RUSF1: variants seen among roughly 807,000 people sequenced by gnomAD.
RUSF1 encodes RUS family member 1.
RUSF1 carries 58 observed loss-of-function variants against 63.0 expected under a neutral mutation model. That is an observed-to-expected ratio of 0.92 (90% CI 0.75 to 1.15). The LOEUF (loss-of-function observed/expected upper bound fraction) is 1.15. Among genes scored for constraint, RUSF1 ranks in the 50% most tolerant of loss-of-function variants. The probability of loss-of-function intolerance (pLI) is 0.00; values close to 1 mark genes in which losing one functional copy is unlikely to be tolerated. For missense variants in RUSF1, 652 were observed against 611.0 expected, an observed-to-expected ratio of 1.07 and a Z score of -0.71; for synonymous variants, 274 against 255.8, an observed-to-expected ratio of 1.07 and a Z score of -0.68.
chr16:31,492,392 C>A lies in RUSF1; in HGVS notation c.1088-52G>T, dbSNP rs1485144115. ...ATCAGGGAAGGGCCACCTCCCAAAC[C>A]CCTTCTATCCCATCACCCTGCTTCC... On this transcript the variant is annotated intron_variant, in intron 10 of 12. Transcript: ENST00000327237. The A allele has an allele frequency of 5.4e-6, 8 of 1,490,060 alleles. No individual in the cohort carries two copies. The African/African-American group carries it at 1.1e-4, about 21-fold the overall frequency. The allele number at this position is 1,490,060 out of a possible 1,614,324, so 92.3% of individuals were successfully genotyped here.
chr16:31,508,009 C>T lies in RUSF1; in HGVS notation c.300+65G>A, dbSNP rs570825856. ...CCCCCCGGGCTCCGAGTCTCAGTCACCCGTCCATTATTGGGGAGGGAGGAG... is the reference window on the plus strand; with the variant it reads ...CCCCCCGGGCTCCGAGTCTCAGTCATCCGTCCATTATTGGGGAGGGAGGAG... On this transcript the variant is annotated intron_variant, in intron 1 of 12. Coordinates refer to ENST00000327237, the MANE Select transcript of RUSF1 (RefSeq NM_022744.4). The T allele has an allele frequency of 1.4e-3, 2,171 of 1,549,416 alleles. 1 individual carries two copies. The highest frequency in any genetic ancestry group is 1.4e-3 in the Non-Finnish European group (1,630 of 1,147,420).
In RUSF1 at chr16:31,490,917, C is replaced by A. The variant is rs1256496677; in HGVS notation, c.1325G>T (p.Gly442Val). 1 of 1,614,102 alleles carries A rather than the reference C, an allele frequency of 6.2e-7. No individual in the cohort carries two copies. The highest frequency in any genetic ancestry group is 2.2e-5 in the East Asian group (1 of 44,878). ...TAGCTGGTGCTTCTCGGTCTTCCAG[C>A]CGGCATCCTGCAGTCCTGGGGAGAG... is the stretch of plus-strand genomic sequence containing the variant. ...PKFLKGLQDA[G>V]WKTEKHQLEV... Residue 442 changes from glycine to valine, a missense_variant, in exon 13 of 13, where the codon GGC becomes GTC. By Grantham distance (109) the Gly-to-Val change is moderately radical. Transcript: ENST00000327237.
chr16:31,489,815 G>A lies in RUSF1; in HGVS notation c.*1020C>T. 2.1e-6 allele frequency: 1 copy of A among 471,746 alleles called. No homozygotes were observed. The highest frequency in any genetic ancestry group is 3.9e-6 in the Non-Finnish European group (1 of 255,338). 29.2% of individuals were successfully genotyped at this position (471,746 alleles called of 1,614,324 possible). ...GGCACAGAACACTGTGAGCAGGACT[G>A]CCAGGCCAGTGTCACAAGCGCTACC... On this transcript the variant is annotated 3_prime_UTR_variant, in exon 13 of 13. Coordinates refer to ENST00000327237, the MANE Select transcript of RUSF1 (RefSeq NM_022744.4).
intron 10 of RUSF1, 67 bp from the exon 11 acceptor site, chr16:31,492,407 A>C: frequency 2.1e-6 from 3 of 1,463,384 alleles, no homozygotes; most frequent in Admixed American, 2.5e-5. Context: ...CTATCCCATC[A>C]CCCTGCTTCC....
In RUSF1 at chr16:31,508,196, C is replaced by G. The variant is rs1489300204; in HGVS notation, c.178G>C (p.Val60Leu). The G allele has an allele frequency of 1.9e-6, 3 of 1,566,562 alleles. No homozygotes were observed. Among genetic ancestry groups the G allele is most frequent in the African/African-American group, 1.4e-5 (1 of 73,500 alleles). Residue 60 changes from valine to leucine, a missense_variant, in exon 1 of 13, where the codon GTG becomes CTG. By Grantham distance (32) the Val-to-Leu change is conservative. Coordinates refer to ENST00000327237, the MANE Select transcript of RUSF1 (RefSeq NM_022744.4). ...GGTGAGGGGGCCCCGGAAGCCCCCACTTCGCCCGCATCTCGTCCTTCAGGT... is the reference window on the plus strand; with the variant it reads ...GGTGAGGGGGCCCCGGAAGCCCCCAGTTCGCCCGCATCTCGTCCTTCAGGT... ...VKPEGRDAGEVGASGAPSPPL... is the reference protein window; with the variant it reads ...VKPEGRDAGELGASGAPSPPL...
chr16:31,507,229 T>C (rs2082664137), intron 2 of RUSF1, among the ~76,000 whole-genome samples: 1 of 152,212 alleles, frequency 6.6e-6, no homozygotes, highest in Non-Finnish European at 1.5e-5. Flanking sequence ...CTGGGTGGCA[T>C]GGTACCAAAC....
intron 3 of RUSF1, among the ~76,000 whole-genome samples, chr16:31,499,739 C>T (rs1209280446): frequency 4.6e-5 from 7 of 152,076 alleles, no homozygotes; most frequent in Non-Finnish European, 7.4e-5. Context: ...TAGTGTCTCC[C>T]GCTTATGAAC....
intron 5 of RUSF1, 80 bp from the exon 6 acceptor site, chr16:31,497,030 C>G: frequency 8.4e-7 from 1 of 1,183,648 alleles, no homozygotes; most frequent in Non-Finnish European, 1.2e-6. Flanking sequence ...TGGAGAAAAC[C>G]TGGCCCCGGC....
rs1211084443 is a variant in RUSF1 at position 31,493,754 on chromosome 16, G to A, written c.807C>T (p.Ala269=). The A allele has an allele frequency of 6.2e-7, 1 of 1,614,250 alleles. No homozygotes were observed. Among genetic ancestry groups the A allele is most frequent in the South Asian group, 1.1e-5 (1 of 91,088 alleles). The change falls in exon 8 of 13, where the codon GCC becomes GCT. Residue 269 remains alanine (A), a synonymous_variant. Coordinates refer to ENST00000327237, the MANE Select transcript of RUSF1 (RefSeq NM_022744.4). ...CGCGGTAGTTGGCGTAGATGTGGAG[G>A]GCAGTGAGGAAGAAGAAACATCCAA... is the stretch of plus-strand genomic sequence containing the variant. ...FSLGCFFFLT[A]LHIYANYRAV...
In RUSF1 at chr16:31,492,285, G is replaced by A. The variant is rs975105964; in HGVS notation, c.1143C>T (p.Ala381=). The A allele has an allele frequency of 2.8e-5, 45 of 1,612,120 alleles. No individual in the cohort carries two copies. Among genetic ancestry groups the A allele is most frequent in the Middle Eastern group, 3.3e-4 (2 of 6,074 alleles). ...CCCCAAGCATCAGCCCATGTGTGGCGGCCCTTAGGATGGTCTTGGGGCCTG... is the reference window on the plus strand; with the variant it reads ...CCCCAAGCATCAGCCCATGTGTGGCAGCCCTTAGGATGGTCTTGGGGCCTG... ...QKAGPKTILR[A]ATHGLMLGAL... Residue 381 remains alanine (A), a synonymous_variant, in exon 11 of 13, where the codon GCC becomes GCT. Coordinates refer to ENST00000327237, the MANE Select transcript of RUSF1 (RefSeq NM_022744.4).
chr16:31,501,623 T>C (rs1032663580), intron 2 of RUSF1, among the ~76,000 whole-genome samples: 5 of 150,120 alleles, frequency 3.3e-5, no homozygotes, highest in Admixed American at 6.6e-5. Context: ...AGATTTGAAC[T>C]GCAGCTGGGG....
chr16:31,501,596 GAAAA>G (rs1258273909), intron 2 of RUSF1, among the ~76,000 whole-genome samples: 1 of 120,098 alleles, frequency 8.3e-6, no homozygotes, highest in African/African-American at 3.1e-5. Context: ...CCAGTCTCAG[GAAAA>G]AAAAAAAAAA....
rs1463568541 is a variant in RUSF1, at chr16:31,493,793, G to A, written c.774-6C>T. ...AGAAACATCCAAGGCTGAAGCTGGG[G>A]TGAGAGAGTGAGGTAGCTGAAGTGG... is the stretch of plus-strand genomic sequence containing the variant. On this transcript the variant is annotated splice_polypyrimidine_tract_variant and splice_region_variant and intron_variant, in intron 7 of 12. Coordinates refer to ENST00000327237, the MANE Select transcript of RUSF1 (RefSeq NM_022744.4). The A allele has an allele frequency of 6.2e-7, 1 of 1,614,220 alleles. No homozygotes were observed. The highest frequency in any genetic ancestry group is 1.7e-5 in the Admixed American group (1 of 60,030).
intron 5 of RUSF1, among the ~76,000 whole-genome samples, chr16:31,498,467 G>A (rs1188655142): frequency 1.3e-5 from 2 of 152,148 alleles, no homozygotes; most frequent in Non-Finnish European, 2.9e-5. Context: ...GGAGAAACAC[G>A]GCCCTAACGT....
At chr16:31,500,052 A>G (rs2082624778) in intron 3 of RUSF1, among the ~76,000 whole-genome samples, 1 of 152,150 alleles carries the variant, frequency 6.6e-6, no homozygotes, top group Non-Finnish European at 1.5e-5. Flanking sequence ...CTGTTACACA[A>G]CACCGTGGAC....
Position 31,492,986 on chromosome 16 carries a change from T to G in RUSF1, c.1079A>C (p.Gln360Pro). The G allele has an allele frequency of 6.2e-7, 1 of 1,610,716 alleles. No homozygotes were observed. The highest frequency in any genetic ancestry group is 8.5e-7 in the Non-Finnish European group (1 of 1,177,516). ...HQESYLLCWDQSQNQVQVVLN... is the reference protein window; with the variant it reads ...HQESYLLCWDPSQNQVQVVLN... ...GAATGAGGCACACTCACTTTGTGAC[T>G]GGTCCCAGCAGAGGAGGTAGGATTC... is the stretch of plus-strand genomic sequence containing the variant. The change falls in exon 10 of 13, where the codon CAG (glutamine) becomes CCG (proline). Residue 360 changes from glutamine to proline, a missense_variant. By Grantham distance (76) the Gln-to-Pro change is moderately conservative. Transcript: ENST00000327237.
chr16:31,507,323 A>G (rs536314411), intron 2 of RUSF1, among the ~76,000 whole-genome samples: 1 of 152,340 alleles, frequency 6.6e-6, no homozygotes, highest in South Asian at 2.1e-4. Flanking sequence ...ATCATCTGGT[A>G]TCCCAGAGCA....
rs116405732 is a variant in RUSF1, at chr16:31,500,439, A to G, written c.461+247T>C. ...TCACATTTATGAAATGTACACATCC[A>G]ATCCCATCCTACAGAGTTGCTGTAA... is the stretch of plus-strand genomic sequence containing the variant. On this transcript the variant is annotated intron_variant, in intron 3 of 12. Transcript: ENST00000327237. Among the ~76,000 whole-genome samples the G allele has an allele frequency of 4.7e-3, 713 of 152,312 alleles. 6 individuals carry two copies. The highest frequency in any genetic ancestry group is 0.016 in the African/African-American group (675 of 41,574).
intron 5 of RUSF1, 76 bp downstream of exon 5, chr16:31,499,226 C>T: frequency 7.6e-7 from 1 of 1,319,264 alleles, no homozygotes; most frequent in Non-Finnish European, 1.1e-6. Context: ...GGCAGGTAAA[C>T]TCACAGAGCC....
Sources: allele counts gnomAD v4.1 joint callset (sites outside exome capture counted in the v4.1 genomes callset), GRCh38; gene constraint gnomAD v4.1.1; transcripts MANE v1.5; gene names NCBI Gene and HGNC (gene_info 2026-07-23, HGNC 2026-07-21).